The following RELL1 variants were observed in gnomAD, a reference collection of about 807,000 sequenced individuals.
RELL1 encodes RELT like 1, also known as RELT-like protein 1.
RELL1 carries 10 observed loss-of-function variants against 23.0 expected under a neutral mutation model. The observed-to-expected ratio is 0.43, with a 90% CI of 0.27 to 0.74. The LOEUF is 0.74. Among genes scored for constraint, RELL1 ranks in the 30% least tolerant of loss-of-function variants. The pLI is 0.19. For synonymous variants in RELL1, 146 were observed against 146.8 expected (o/e 0.99, Z 0.04); for missense variants, 315 against 364.4 (o/e 0.86, Z 1.10).
chr4:37,622,942 C>A (rs963700208), intron 6 of RELL1: 7 of 398,998 alleles, frequency 1.8e-5, no homozygotes, highest in Non-Finnish European at 3.4e-5. Flanking sequence ...GTAGCTGGGA[C>A]TACAGGTGCC....
At chr4:37,669,114 C>T (rs1721671970) in intron 1 of RELL1, among the ~76,000 whole-genome samples, 1 of 132,082 alleles carries the variant, frequency 7.6e-6, no homozygotes, top group Admixed American at 7.2e-5. Context: ...GGCGCCTCTG[C>T]CCGGCCGCCC....
At chr4:37,624,566 G>C (rs1391431201) in intron 6 of RELL1, among the ~76,000 whole-genome samples, 1 of 151,502 alleles carries the variant, frequency 6.6e-6, no homozygotes, top group African/African-American at 2.4e-5. Context: ...TGGGACTACA[G>C]GCACCCGCCA....
chr4:37,669,721 C>CTG (rs575673468), intron 1 of RELL1, among the ~76,000 whole-genome samples: 3 of 152,234 alleles, frequency 2.0e-5, no homozygotes, highest in African/African-American at 2.4e-5. Context: ...TCCTGTTGAT[C>CTG]TGTGACCTTA....
intron 6 of RELL1, among the ~76,000 whole-genome samples, chr4:37,602,980 G>A (rs1719055247): frequency 6.6e-6 from 1 of 152,198 alleles, no homozygotes; most frequent in Non-Finnish European, 1.5e-5. Context: ...AGACAAACTG[G>A]CAGTGCCAGA....
At chr4:37,650,828 G>T (rs1720905658) in intron 1 of RELL1, among the ~76,000 whole-genome samples, 1 of 114,692 alleles carries the variant, frequency 8.7e-6, no homozygotes, top group Non-Finnish European at 1.7e-5. Flanking sequence ...GGTGGGGGGA[G>T]GGGGCGAATC....
At position 37,649,356 on chromosome 4, in the gene RELL1, C is replaced by A; in HGVS notation, c.233G>T (p.Cys78Phe). The A allele has an allele frequency of 1.2e-6, 2 of 1,614,208 alleles. No individual in the cohort carries two copies. The highest frequency in any genetic ancestry group is 1.7e-6 in the Non-Finnish European group (2 of 1,180,032). The change falls in exon 2 of 7, where the codon TGC (cysteine) becomes TTC (phenylalanine). Residue 78 changes from cysteine to phenylalanine, a missense_variant. By Grantham distance (205) the Cys-to-Phe change is radical. Coordinates refer to ENST00000454158, the MANE Select transcript of RELL1 (RefSeq NM_001085400.2). ...ATAGCCTTTCTTCTTAAGCAGGTGG[C>A]AAATGAGGACGCCAAAGAGACCCAT... ...FIMGLFGVLI[C>F]HLLKKKGYRC...
In RELL1 at chr4:37,656,102, C is replaced by G. The variant is rs560668608; in HGVS notation, c.89-6602G>C. Among the ~76,000 whole-genome samples the G allele has an allele frequency of 1.3e-4, 20 of 152,186 alleles. No homozygotes were observed. In the East Asian group the frequency reaches 3.7e-3, roughly 28 times the overall value. On this transcript the variant is annotated intron_variant, in intron 1 of 6. Transcript: ENST00000454158. ...TACAACAGCCAAGATGTGGAAGCCACCAAAATTCCCATCGATAGACAAAGG... is the reference window on the plus strand; with the variant it reads ...TACAACAGCCAAGATGTGGAAGCCAGCAAAATTCCCATCGATAGACAAAGG...
At chr4:37,655,261 A>AT (rs1491512493) in intron 1 of RELL1, among the ~76,000 whole-genome samples, 4 of 152,124 alleles carry the variant, frequency 2.6e-5, no homozygotes, top group East Asian at 3.9e-4. Flanking sequence ...ATATATATAT[A>AT]AAAAGCAAGT....
intron 6 of RELL1, among the ~76,000 whole-genome samples, chr4:37,626,720 C>A (rs1719965130): frequency 6.6e-6 from 1 of 152,062 alleles, no homozygotes; most frequent in Non-Finnish European, 1.5e-5. Context: ...AGAAGGAAAT[C>A]CTGTCATTGA....
rs548352805 is a variant in RELL1, at chr4:37,638,229, G to A, written c.443+218C>T. ...GTCACACCTTGGGAGGGTGGGGGCAGGGGATGCTCTGACACCTTGTGAGTG... is the reference window on the plus strand; with the variant it reads ...GTCACACCTTGGGAGGGTGGGGGCAAGGGATGCTCTGACACCTTGTGAGTG... On this transcript the variant is annotated intron_variant, in intron 4 of 6. Coordinates refer to ENST00000454158, the MANE Select transcript of RELL1 (RefSeq NM_001085400.2). Among the ~76,000 whole-genome samples the A allele has an allele frequency of 9.2e-5, 14 of 152,332 alleles. No individual in the cohort carries two copies. The South Asian group carries it at 2.7e-3, about 29-fold the overall frequency.
At chr4:37,590,524 G>T, downstream of RELL1, 1 of 1,614,212 alleles carries the variant, frequency 6.2e-7, no homozygotes, top group East Asian at 2.2e-5. Context: ...AGGGACCCAA[G>T]TCATGAGAAA....
At chr4:37,631,126 T>C (rs1720114714) in intron 6 of RELL1, among the ~76,000 whole-genome samples, 1 of 152,154 alleles carries the variant, frequency 6.6e-6, no homozygotes, top group South Asian at 2.1e-4. Flanking sequence ...CATGCCACAT[T>C]GCCTCACAAG....
chr4:37,598,078 A>AATATATATATATATATATATATAT (rs138367525), intron 6 of RELL1, among the ~76,000 whole-genome samples: 302 of 126,664 alleles, frequency 2.4e-3, no homozygotes, highest in South Asian at 4.4e-3. Flanking sequence ...TATATATCAT[A>AATATATATATATATATATATATAT]ATATATATAT....
chr4:37,604,828 C>CAG (rs1719122873), intron 6 of RELL1, among the ~76,000 whole-genome samples: 1 of 73,270 alleles, frequency 1.4e-5, no homozygotes, highest in Non-Finnish European at 2.9e-5. Flanking sequence ...CACAGACACA[C>CAG]ACATACACAC....
At chr4:37,594,662 C>A (rs1368367673) in intron 6 of RELL1, among the ~76,000 whole-genome samples, 1 of 152,060 alleles carries the variant, frequency 6.6e-6, no homozygotes, top group Non-Finnish European at 1.5e-5. Flanking sequence ...AACCAGATAC[C>A]CAAAAAAACG....
chr4:37,669,762 A>G (rs1279659066), intron 1 of RELL1, among the ~76,000 whole-genome samples: 1 of 152,192 alleles, frequency 6.6e-6, no homozygotes, highest in African/African-American at 2.4e-5. Context: ...TCTCTGCAAC[A>G]TGTGCTGTGT....
At chr4:37,604,906 C>CAG (rs1719143052) in intron 6 of RELL1, among the ~76,000 whole-genome samples, 1 of 63,362 alleles carries the variant, frequency 1.6e-5, no homozygotes, top group African/African-American at 5.0e-5. Context: ...CACAGACACA[C>CAG]ACACACACAC....
rs28417485 is a variant in RELL1, at chr4:37,622,215, T to C, written c.*4-8873A>G. On this transcript the variant is annotated intron_variant, in intron 6 of 6. Transcript: ENST00000454158. Reference sequence around the variant, plus strand: ...ACTAACTTCAATAAAAAACAAGGTATGAACAAGTGTAGTATCTATACTCTC... The same window carrying C: ...ACTAACTTCAATAAAAAACAAGGTACGAACAAGTGTAGTATCTATACTCTC... Among the ~76,000 whole-genome samples the C allele has an allele frequency of 7.3e-3, 1,118 of 152,316 alleles. 12 individuals carry two copies. The highest frequency in any genetic ancestry group is 0.025 in the African/African-American group (1,046 of 41,580).
intron 1 of RELL1, among the ~76,000 whole-genome samples, chr4:37,660,549 T>C (rs994054959): frequency 1.3e-5 from 2 of 152,182 alleles, no homozygotes; most frequent in African/African-American, 2.4e-5. Context: ...TTACACACAC[T>C]CTCCTAGTAA....
Sources: gnomAD v4.1 joint callset for allele counts (sites outside exome capture counted in the v4.1 genomes callset) on GRCh38, gnomAD v4.1.1 for gene constraint, MANE v1.5 for transcripts, NCBI Gene and HGNC (gene_info 2026-07-23, HGNC 2026-07-21) for gene names.